LINGO2: variants seen among roughly 807,000 people sequenced by gnomAD.
LINGO2 encodes the protein leucine rich repeat and Ig domain containing 2.
In LINGO2, 14 loss-of-function variants were observed where a neutral mutation model predicts 30.6. That is an observed-to-expected ratio of 0.46 (90% CI 0.30 to 0.72). The LOEUF is 0.72. LINGO2 is among the 30% of genes least tolerant of loss of function. LINGO2 has a pLI of 0.07. For missense variants in LINGO2, 729 were observed against 751.7 expected, an observed-to-expected ratio of 0.97 and a Z score of 0.35; for synonymous variants, 317 against 288.5, an observed-to-expected ratio of 1.10 and a Z score of -1.00.
At chr9:28,974,202 C>T in the LINGO2 span, among the ~76,000 whole-genome samples, 1 of 151,922 alleles carries the variant, frequency 6.6e-6, no homozygotes, top group Admixed American at 6.6e-5. Flanking sequence ...GTCAGGAGAT[C>T]GAGACCAGCC....
the LINGO2 span, among the ~76,000 whole-genome samples, chr9:28,939,769 T>C: frequency 2.6e-5 from 4 of 152,254 alleles, no homozygotes; most frequent in East Asian, 5.8e-4. Flanking sequence ...AAAATGTGCA[T>C]GGGATGAGTG....
chr9:28,797,359 T>TATATATAGAG, the LINGO2 span, among the ~76,000 whole-genome samples: 108 of 34,200 alleles, frequency 3.2e-3, 1 homozygote, highest in East Asian at 4.8e-3. Flanking sequence ...TATATATATA[T>TATATATAGAG]AGAGAGAGAG....
intron 2 of LINGO2, among the ~76,000 whole-genome samples, chr9:28,449,755 T>TCCCCA (rs1488543465): frequency 3.9e-5 from 6 of 151,994 alleles, no homozygotes; most frequent in Admixed American, 3.9e-4. Context: ...CAATTACTAG[T>TCCCCA]CCCCACCTAT....
At chr9:28,469,699 A>T (rs1825446106) in intron 2 of LINGO2, among the ~76,000 whole-genome samples, 1 of 152,170 alleles carries the variant, frequency 6.6e-6, no homozygotes, top group Non-Finnish European at 1.5e-5. Context: ...AAAACCTGTC[A>T]ATCTAGAATC....
At chr9:28,929,202 T>G in the LINGO2 span, among the ~76,000 whole-genome samples, 3 of 152,180 alleles carry the variant, frequency 2.0e-5, no homozygotes, top group African/African-American at 7.2e-5. Flanking sequence ...CACACCTTAT[T>G]CCCTAAGGGG....
intron 1 of LINGO2, among the ~76,000 whole-genome samples, chr9:28,614,527 A>G (rs1826051937): frequency 6.6e-6 from 1 of 152,116 alleles, no homozygotes; most frequent in Non-Finnish European, 1.5e-5. Flanking sequence ...GTAAATAAAA[A>G]CCATATGAAT....
At chr9:28,699,357 A>T in the LINGO2 span, among the ~76,000 whole-genome samples, 1 of 152,138 alleles carries the variant, frequency 6.6e-6, no homozygotes, top group South Asian at 2.1e-4. Context: ...TGAAGATTTC[A>T]TGGACATTTA....
At chr9:28,014,258 G>A (rs1024508716) in intron 4 of LINGO2, among the ~76,000 whole-genome samples, 7 of 152,044 alleles carry the variant, frequency 4.6e-5, no homozygotes, top group African/African-American at 1.7e-4. Flanking sequence ...ACTTACCAAA[G>A]GGGAAAAAAT....
the LINGO2 span, among the ~76,000 whole-genome samples, chr9:29,189,016 C>T: frequency 2.1e-5 from 3 of 141,550 alleles, no homozygotes; most frequent in African/African-American, 8.5e-5. Flanking sequence ...GGGCTGACCC[C>T]CCCACCTACC....
chr9:28,678,486 G>A, the LINGO2 span, among the ~76,000 whole-genome samples: 1 of 152,084 alleles, frequency 6.6e-6, no homozygotes, highest in African/African-American at 2.4e-5. Context: ...TAATAGAGTG[G>A]TTTCGAGCGC....
intron 4 of LINGO2, among the ~76,000 whole-genome samples, chr9:28,189,197 T>C (rs1399382343): frequency 6.7e-6 from 1 of 149,824 alleles, no homozygotes; most frequent in East Asian, 2.0e-4. Flanking sequence ...GCAGTGATCT[T>C]TTTTTTCTAC....
the LINGO2 span, among the ~76,000 whole-genome samples, chr9:28,841,151 A>C: frequency 0.53 from 80,868 of 151,556 alleles, 22,394 homozygotes; most frequent in Middle Eastern, 0.72. Context: ...TGGAATGTTT[A>C]ATTAGTGTCT....
intron 4 of LINGO2, among the ~76,000 whole-genome samples, chr9:28,231,353 A>T (rs1330637820): frequency 6.6e-6 from 1 of 152,026 alleles, no homozygotes; most frequent in Non-Finnish European, 1.5e-5. Context: ...AAGTATATTT[A>T]AACTTTTACT....
the LINGO2 span, among the ~76,000 whole-genome samples, chr9:28,994,271 G>C: frequency 6.6e-6 from 1 of 152,100 alleles, no homozygotes; most frequent in South Asian, 2.1e-4. Context: ...ATTCACAATT[G>C]CTTCAAAGAG....
the LINGO2 span, among the ~76,000 whole-genome samples, chr9:29,126,633 T>G: frequency 6.6e-6 from 1 of 152,226 alleles, no homozygotes; most frequent in East Asian, 1.9e-4. Flanking sequence ...TTTTCATGAT[T>G]TATGTAGGGC....
chr9:28,171,746 C>T lies in LINGO2; in HGVS notation c.-87+123462G>A, dbSNP rs544378350. On this transcript the variant is annotated intron_variant, in intron 4 of 5. Transcript: ENST00000379992. ...CATCTCTGCCGGGTGTGGTGGCTCGCGCCTGTAATCCCAGCACTTTGGGAG... is the reference window on the plus strand; with the variant it reads ...CATCTCTGCCGGGTGTGGTGGCTCGTGCCTGTAATCCCAGCACTTTGGGAG... Among the ~76,000 whole-genome samples, 7 of 151,910 alleles carry T rather than the reference C, an allele frequency of 4.6e-5. No individual in the cohort carries two copies. In the East Asian group the frequency reaches 1.2e-3, roughly 25 times the overall value.
chr9:28,506,287 T>C (rs1820106701), intron 1 of LINGO2, among the ~76,000 whole-genome samples: 2 of 150,856 alleles, frequency 1.3e-5, no homozygotes, highest in South Asian at 4.2e-4. Context: ...GTGAATATTA[T>C]ACTCTATTTG....
chr9:28,849,434 G>T, the LINGO2 span, among the ~76,000 whole-genome samples: 1 of 151,908 alleles, frequency 6.6e-6, no homozygotes, highest in African/African-American at 2.4e-5. Context: ...GCATTTCAAA[G>T]CAAGACTACA....
At chr9:28,895,277 T>C in the LINGO2 span, among the ~76,000 whole-genome samples, 10 of 151,988 alleles carry the variant, frequency 6.6e-5, no homozygotes. Context: ...GAGAAACTAA[T>C]CATAAAAACA....
Sources: gnomAD v4.1 joint callset for allele counts (sites outside exome capture counted in the v4.1 genomes callset) on GRCh38, gnomAD v4.1.1 for gene constraint, MANE v1.5 for transcripts, NCBI Gene and HGNC (gene_info 2026-07-23, HGNC 2026-07-21) for gene names.